The following RBFOX2 variants were observed in gnomAD, a reference collection of about 807,000 sequenced individuals.
The protein encoded by RBFOX2 is RNA binding protein fox-1 homolog 2.
In RBFOX2, 10 loss-of-function variants were observed where a neutral mutation model predicts 49.1. That is an observed-to-expected ratio of 0.20 (90% CI 0.13 to 0.35). RBFOX2 has a LOEUF of 0.35. Among genes scored for constraint, RBFOX2 ranks in the 10% least tolerant of loss-of-function variants. RBFOX2 has a pLI of 1.00. For synonymous variants in RBFOX2, 183 were observed against 187.4 expected (o/e 0.98, Z 0.19); for missense variants, 323 against 486.9 (o/e 0.66, Z 3.17).
chr22:35,887,188 G>A (rs767103237), intron 1 of RBFOX2, among the ~76,000 whole-genome samples: 2 of 152,114 alleles, frequency 1.3e-5, no homozygotes, highest in East Asian at 1.9e-4. Context: ...TAGTAAAGGC[G>A]GCTTTCCTAA....
At chr22:35,792,933 GT>G (rs796841830) in intron 2 of RBFOX2, among the ~76,000 whole-genome samples, 5 of 152,302 alleles carry the variant, frequency 3.3e-5, no homozygotes, top group African/African-American at 1.2e-4. Flanking sequence ...AAGTACTTTT[GT>G]TTTAATTTTC....
intron 1 of RBFOX2, among the ~76,000 whole-genome samples, chr22:35,834,512 C>G (rs774372252): frequency 3.3e-5 from 5 of 152,060 alleles, no homozygotes; most frequent in Non-Finnish European, 7.4e-5. Context: ...ACGGTAAGAA[C>G]TAAAATCAGT....
chr22:35,811,628 GAAATT>G (rs374935199), intron 1 of RBFOX2, among the ~76,000 whole-genome samples: 3 of 152,080 alleles, frequency 2.0e-5, no homozygotes, highest in African/African-American at 7.2e-5. Flanking sequence ...TTCTGTAACA[GAAATT>G]AATAATAAAA....
At chr22:35,967,003 G>C (rs1310792219) in intron 1 of RBFOX2, among the ~76,000 whole-genome samples, 1 of 151,540 alleles carries the variant, frequency 6.6e-6, no homozygotes, top group Non-Finnish European at 1.5e-5. Context: ...AAAAATTGTA[G>C]AGATGAGGTC....
At chr22:35,904,029 A>G (rs532488160) in intron 1 of RBFOX2, among the ~76,000 whole-genome samples, 1 of 152,204 alleles carries the variant, frequency 6.6e-6, no homozygotes, top group South Asian at 2.1e-4. Context: ...TTCATACCAT[A>G]TCTCCTCTCA....
chr22:35,771,056 G>A (rs943501676), intron 4 of RBFOX2, among the ~76,000 whole-genome samples: 4 of 152,088 alleles, frequency 2.6e-5, no homozygotes, highest in African/African-American at 9.7e-5. Flanking sequence ...TCTTTGCTTT[G>A]AAGATAAACA....
intron 4 of RBFOX2, among the ~76,000 whole-genome samples, chr22:35,770,579 T>C (rs1157286744): frequency 6.6e-6 from 1 of 152,190 alleles, no homozygotes; most frequent in African/African-American, 2.4e-5. Flanking sequence ...ATTCTAAGCC[T>C]TTTCAAATCT....
chr22:35,870,090 A>G (rs2044176361), intron 1 of RBFOX2, among the ~76,000 whole-genome samples: 1 of 152,214 alleles, frequency 6.6e-6, no homozygotes, highest in African/African-American at 2.4e-5. Context: ...AGGCCCTTTC[A>G]AAAGGTTCAA....
intron 1 of RBFOX2, among the ~76,000 whole-genome samples, chr22:35,950,995 C>T (rs2054854780): frequency 1.3e-5 from 2 of 149,632 alleles, no homozygotes; most frequent in Admixed American, 1.3e-4. Context: ...ACTCTGTTGC[C>T]CAGGCTGGAG....
At chr22:35,890,150 C>T (rs1043280808) in intron 1 of RBFOX2, among the ~76,000 whole-genome samples, 7 of 152,032 alleles carry the variant, frequency 4.6e-5, no homozygotes, top group Admixed American at 3.3e-4. Context: ...ATATCTTTTT[C>T]GTAACCTGAA....
chr22:35,796,186 AC>A (rs936086856), intron 2 of RBFOX2, among the ~76,000 whole-genome samples: 7 of 152,082 alleles, frequency 4.6e-5, no homozygotes, highest in African/African-American at 1.4e-4. Flanking sequence ...CATGTGGGAA[AC>A]CCTTTTAACT....
chr22:35,804,307 G>A (rs1355588009), intron 2 of RBFOX2, among the ~76,000 whole-genome samples: 1 of 151,760 alleles, frequency 6.6e-6, no homozygotes, highest in African/African-American at 2.4e-5. Flanking sequence ...TGTAATCAGA[G>A]GCCCAGGAAG....
rs1009813471 is a variant in RBFOX2, at chr22:35,935,499, C to A, written c.-34+3348G>T. 3.3e-5 allele frequency among the ~76,000 whole-genome samples: 5 copies of A among 152,194 alleles called. No individual in the cohort carries two copies. The South Asian group carries it at 1.0e-3, about 32-fold the overall frequency. The stretch of plus-strand genomic sequence containing the variant: ...GCTCCTTTCCTTCAGGTGTTTAACT[C>A]CAATGTGCTATTGGGACTGTATATA... On this transcript the variant is annotated intron_variant, in intron 1 of 13. Coordinates refer to the RBFOX2 transcript ENST00000359369.
At chr22:36,002,918 G>A (rs780129304) in intron 1 of RBFOX2, among the ~76,000 whole-genome samples, 7 of 152,350 alleles carry the variant, frequency 4.6e-5, no homozygotes, top group South Asian at 4.1e-4. Flanking sequence ...GAGCCACCAC[G>A]CCCAGCCCGG....
chr22:35,919,951 T>C (rs1048081045), intron 1 of RBFOX2, among the ~76,000 whole-genome samples: 1 of 152,232 alleles, frequency 6.6e-6, no homozygotes, highest in Non-Finnish European at 1.5e-5. Flanking sequence ...TCCACTCTAG[T>C]GGACTTTAGT....
chr22:35,754,265 G>A (rs1043385647), intron 9 of RBFOX2, among the ~76,000 whole-genome samples: 1 of 151,422 alleles, frequency 6.6e-6, no homozygotes, highest in African/African-American at 2.4e-5. Flanking sequence ...CTAATTTTTT[G>A]TATTTTTAGT....
intron 1 of RBFOX2, among the ~76,000 whole-genome samples, chr22:35,873,142 T>A (rs2044578262): frequency 6.6e-6 from 1 of 152,184 alleles, no homozygotes; most frequent in African/African-American, 2.4e-5. Context: ...ATTGGTTGTT[T>A]CTTTTTTCTT....
chr22:35,811,948 C>T (rs1176265452), intron 1 of RBFOX2, among the ~76,000 whole-genome samples: 7 of 141,868 alleles, frequency 4.9e-5, no homozygotes, highest in Admixed American at 2.2e-4. Flanking sequence ...AGAAAGACCA[C>T]GTCTCTTAAG....
At chr22:35,741,053 G>C (rs1929711205) in exon 12 of RBFOX2, 1 of 152,206 alleles carries the variant, frequency 6.6e-6, no homozygotes, top group Non-Finnish European at 1.5e-5. Context: ...TGTGGCTGTT[G>C]AAGGATGATG....
Sources: gnomAD v4.1 joint callset for allele counts (sites outside exome capture counted in the v4.1 genomes callset) on GRCh38, gnomAD v4.1.1 for gene constraint, MANE v1.5 for transcripts, NCBI Gene and HGNC (gene_info 2026-07-23, HGNC 2026-07-21) for gene names.